Variants in RUNX1T1 observed in about 807,000 individuals in gnomAD.
RUNX1T1 encodes the protein RUNX1 partner transcriptional co-repressor 1, also known as protein CBFA2T1.
RUNX1T1 carries 4 observed loss-of-function variants against 62.8 expected under a neutral mutation model. The observed-to-expected ratio is 0.06, with a 90% CI of 0.03 to 0.15. RUNX1T1 has a LOEUF of 0.15. Ranked by LOEUF, RUNX1T1 falls within the 10% of genes least tolerant of loss-of-function variation. The pLI, the probability that RUNX1T1 is intolerant of heterozygous loss-of-function variation, is 1.00. For synonymous variants in RUNX1T1, 291 were observed against 286.0 expected (o/e 1.02, Z -0.18); for missense variants, 508 against 754.3 (o/e 0.67, Z 3.82).
intron 2 of RUNX1T1, among the ~76,000 whole-genome samples, chr8:92,073,732 T>C (rs1302570299): frequency 6.6e-6 from 1 of 152,236 alleles, no homozygotes; most frequent in East Asian, 1.9e-4. Flanking sequence ...AGGGCCTTGC[T>C]GTTGCCCAGG....
At chr8:91,979,086 CA>C in intron 8 of RUNX1T1, among the ~76,000 whole-genome samples, 1 of 152,268 alleles carries the variant, frequency 6.6e-6, no homozygotes, top group Admixed American at 6.5e-5. Flanking sequence ...TGATAAACAT[CA>C]GGTCTACCAA....
intron 8 of RUNX1T1, 83 bp from the exon 10 acceptor site, chr8:91,976,056 CA>C: frequency 1.1e-6 from 1 of 941,366 alleles, no homozygotes; most frequent in Non-Finnish European, 1.7e-6. Context: ...TGAAAGTAAG[CA>C]ATGCCCATTC....
chr8:91,983,162 C>T (rs1270963294), intron 8 of RUNX1T1, among the ~76,000 whole-genome samples: 4 of 151,540 alleles, frequency 2.6e-5, no homozygotes, highest in African/African-American at 4.8e-5. Context: ...CTCCAACCCC[C>T]GACCTCGTGA....
intron 4 of RUNX1T1, among the ~76,000 whole-genome samples, chr8:92,009,078 C>T (rs1458934433): frequency 2.6e-5 from 4 of 152,078 alleles, no homozygotes; most frequent in African/African-American, 4.8e-5. Flanking sequence ...CAAATTTAAA[C>T]GTATGGATGG....
At chr8:92,062,430 T>C in intron 1 of RUNX1T1, 1 of 1,175,504 alleles carries the variant, frequency 8.5e-7, no homozygotes, top group Admixed American at 1.7e-5. Context: ...CCCCAGCCTC[T>C]TCCTGCCCAC....
At chr8:92,021,452 T>C (rs958085000) in intron 1 of RUNX1T1, among the ~76,000 whole-genome samples, 3 of 152,070 alleles carry the variant, frequency 2.0e-5, no homozygotes, top group Non-Finnish European at 4.4e-5. Context: ...ACTGTGGTAA[T>C]GCCCATTCCT....
chr8:91,971,539 C>A (rs2130633078), intron 9 of RUNX1T1, among the ~76,000 whole-genome samples: 1 of 152,254 alleles, frequency 6.6e-6, no homozygotes, highest in South Asian at 2.1e-4. Flanking sequence ...AATGAAAAAT[C>A]AATGCTATAA....
chr8:92,050,101 T>C (rs1213871632), intron 1 of RUNX1T1, among the ~76,000 whole-genome samples: 1 of 151,978 alleles, frequency 6.6e-6, no homozygotes, highest in Non-Finnish European at 1.5e-5. Context: ...AAAAAGAAAA[T>C]ATATTTAAAG....
exon 11 of RUNX1T1, chr8:91,960,312 G>T (rs980099966): frequency 6.2e-7 from 1 of 1,611,214 alleles, no homozygotes; most frequent in Non-Finnish European, 8.5e-7. Context: ...TGCTGGTGGT[G>T]TGTCCATCGG....
intron 10 of RUNX1T1, among the ~76,000 whole-genome samples, chr8:91,969,189 G>A (rs1812258747): frequency 6.6e-6 from 1 of 152,030 alleles, no homozygotes; most frequent in Non-Finnish European, 1.5e-5. Context: ...GCTAAATATT[G>A]GTGTCAAGAT....
chr8:92,051,586 TCA>T (rs1178991826), intron 1 of RUNX1T1, among the ~76,000 whole-genome samples: 2,993 of 145,370 alleles, frequency 0.021, 89 homozygotes, highest in African/African-American at 0.072. Context: ...ACTCTCTCTC[TCA>T]CACACACACA....
chr8:92,002,130 G>T, intron 5 of RUNX1T1, among the ~76,000 whole-genome samples: 1 of 152,046 alleles, frequency 6.6e-6, no homozygotes, highest in Middle Eastern at 3.4e-3. Context: ...TATTAACAAA[G>T]AATAGAAATC....
rs71275443 is a variant in RUNX1T1 at position 92,060,554 on chromosome 8, T to TA, written c.7+1991_7+1992insT. On this transcript the variant is annotated intron_variant, in intron 1 of 10. Coordinates refer to ENST00000396218, the Ensembl canonical transcript of RUNX1T1. ...ATATATATATATATATATATATATA[T>TA]GTGTGTGTGTGTGTGTGTGTGTGTG... Among the ~76,000 whole-genome samples the TA allele has an allele frequency of 4.4e-5, 4 of 91,426 alleles. No homozygotes were observed. In the South Asian group the frequency reaches 1.4e-3, roughly 31 times the overall value. The allele number at this position is 91,426 out of a possible 152,430, so 60.0% of individuals were successfully genotyped here.
rs1374383584 is a variant in RUNX1T1 at position 92,030,193 on chromosome 8, CT to C, written c.8-12831del. Among the ~76,000 whole-genome samples, 8 of 152,264 alleles carry C rather than the reference CT, an allele frequency of 5.3e-5. 1 individual carries two copies. The highest frequency in any genetic ancestry group is 1.2e-4 in the Non-Finnish European group (8 of 68,022). On this transcript the variant is annotated intron_variant, in intron 1 of 10. Transcript: ENST00000396218. ...AAGGAAGGCGTCCTTGACCTCTCCCCTATCCTACCCACTGTATTATAAGCAA... is the reference window on the plus strand; with the variant it reads ...AAGGAAGGCGTCCTTGACCTCTCCCCATCCTACCCACTGTATTATAAGCAA...
chr8:92,005,197 T>A (rs775681238), exon 5 of RUNX1T1: 1 of 1,614,036 alleles, frequency 6.2e-7, no homozygotes, highest in Non-Finnish European at 8.5e-7. Context: ...GGTGCTGGCA[T>A]CCAGAAGCAG....
exon 11 of RUNX1T1, chr8:91,959,844 T>C: frequency 3.4e-6 from 1 of 291,820 alleles, no homozygotes; most frequent in Non-Finnish European, 6.6e-6. Flanking sequence ...ACTTTTAATA[T>C]TAGCATTTTT....
chr8:91,996,497 G>A (rs868017692), intron 5 of RUNX1T1, among the ~76,000 whole-genome samples: 6 of 152,106 alleles, frequency 3.9e-5, no homozygotes, highest in African/African-American at 7.2e-5. Context: ...CACAGCGCCC[G>A]GCTTATTTGT....
intron 2 of RUNX1T1, 23 bp downstream of exon 3, chr8:92,017,202 CA>C: frequency 6.7e-7 from 1 of 1,492,718 alleles, no homozygotes; most frequent in Non-Finnish European, 9.2e-7. Context: ...AACTGAAACT[CA>C]AAAGCCTGAA....
At chr8:92,046,054 A>G (rs1236747917) in intron 1 of RUNX1T1, among the ~76,000 whole-genome samples, 3 of 152,134 alleles carry the variant, frequency 2.0e-5, no homozygotes, top group Non-Finnish European at 2.9e-5. Context: ...AGCCTACCCC[A>G]TGGCCTGTGC....
Sources: gnomAD v4.1 joint callset for allele counts (sites outside exome capture counted in the v4.1 genomes callset) on GRCh38, gnomAD v4.1.1 for gene constraint, MANE v1.5 for transcripts, NCBI Gene and HGNC (gene_info 2026-07-23, HGNC 2026-07-21) for gene names.